Variants in EPB41L2 observed in about 807,000 individuals in gnomAD.
EPB41L2 encodes the protein band 4.1-like protein 2.
A neutral mutation model predicts 113.0 loss-of-function variants in EPB41L2; 43 were observed. The observed-to-expected ratio is 0.38, with a 90% CI of 0.30 to 0.49. The LOEUF (loss-of-function observed/expected upper bound fraction) is 0.49. Among genes scored for constraint, EPB41L2 ranks in the 20% least tolerant of loss-of-function variants. EPB41L2 has a pLI of 0.95. For synonymous variants in EPB41L2, 442 were observed against 436.7 expected, an observed-to-expected ratio of 1.01 and a Z score of -0.15; for missense variants, 1,147 against 1,223.4, an observed-to-expected ratio of 0.94 and a Z score of 0.93.
In EPB41L2 at chr6:130,939,257, C is replaced by CT. The variant is rs879441496; in HGVS notation, c.706-12549dup. Among the ~76,000 whole-genome samples, 295 of 145,726 alleles carry CT rather than the reference C, an allele frequency of 2.0e-3. 2 individuals carry two copies. Among genetic ancestry groups the CT allele is most frequent in the East Asian group, 7.2e-3 (36 of 5,026 alleles). ...ACCTATTTGCCAAAAACCCAAATAA[C>CT]TTTTTTTTTTTTTTGAGGCTGAGTC... is the stretch of plus-strand genomic sequence containing the variant. On this transcript the variant is annotated intron_variant, in intron 3 of 19. Transcript: ENST00000337057.
intron 3 of EPB41L2, among the ~76,000 whole-genome samples, chr6:130,930,885 A>C (rs367752074): frequency 9.9e-5 from 15 of 152,208 alleles, no homozygotes; most frequent in African/African-American, 3.6e-4. Context: ...GAATATGAAA[A>C]AGCAGGTTTT....
At chr6:130,856,539 A>G (rs1780265884) in intron 19 of EPB41L2, among the ~76,000 whole-genome samples, 2 of 152,248 alleles carry the variant, frequency 1.3e-5, no homozygotes, top group Non-Finnish European at 2.9e-5. Flanking sequence ...CATATTTACC[A>G]AACTAGCAAA....
intron 19 of EPB41L2, among the ~76,000 whole-genome samples, chr6:130,851,032 A>G (rs765653355): frequency 2.0e-5 from 3 of 152,240 alleles, no homozygotes; most frequent in Non-Finnish European, 4.4e-5. Flanking sequence ...TGATTAATCT[A>G]TATTGAAAAT....
chr6:130,911,076 GTA>G (rs1562465640), intron 4 of EPB41L2, among the ~76,000 whole-genome samples: 3 of 152,152 alleles, frequency 2.0e-5, no homozygotes. Flanking sequence ...ACATGCACAC[GTA>G]TGTTTATTGC....
intron 19 of EPB41L2, among the ~76,000 whole-genome samples, chr6:130,857,230 C>T (rs1780518213): frequency 6.6e-6 from 1 of 152,132 alleles, no homozygotes; most frequent in African/African-American, 2.4e-5. Flanking sequence ...TAGGTGAAAA[C>T]TTGTCCACTG....
chr6:131,009,805 CT>C (rs1786485814), intron 1 of EPB41L2, among the ~76,000 whole-genome samples: 2 of 152,184 alleles, frequency 1.3e-5, no homozygotes, highest in Admixed American at 6.5e-5. Context: ...GTTTTCTCCC[CT>C]TTTATGAAAA....
intron 3 of EPB41L2, among the ~76,000 whole-genome samples, chr6:130,940,847 G>A (rs1317727492): frequency 6.6e-6 from 1 of 151,982 alleles, no homozygotes; most frequent in Non-Finnish European, 1.5e-5. Flanking sequence ...ATAGTAACTT[G>A]GCACTTCTGT....
At chr6:130,933,936 T>C (rs1233907708) in intron 3 of EPB41L2, among the ~76,000 whole-genome samples, 1 of 152,174 alleles carries the variant, frequency 6.6e-6, no homozygotes, top group African/African-American at 2.4e-5. Context: ...ACTGCAGTTA[T>C]TGTGTGCTGA....
intron 5 of EPB41L2, 90 bp downstream of exon 5, chr6:130,908,731 A>C: frequency 4.9e-6 from 5 of 1,015,888 alleles, no homozygotes; most frequent in Non-Finnish European, 5.8e-6. Flanking sequence ...TAAATGCAAA[A>C]TAGAACTGAC....
chr6:130,842,916 G>A (rs368283937), intron 19 of EPB41L2, among the ~76,000 whole-genome samples: 1 of 151,906 alleles, frequency 6.6e-6, no homozygotes, highest in African/African-American at 2.4e-5. Context: ...ACCTTCATGT[G>A]CTCTTAGGAT....
intron 1 of EPB41L2, among the ~76,000 whole-genome samples, chr6:131,002,268 G>A (rs942992766): frequency 2.0e-5 from 3 of 152,068 alleles, no homozygotes; most frequent in African/African-American, 4.8e-5. Flanking sequence ...CACTCAGAAC[G>A]TTTTTCACCA....
intron 5 of EPB41L2, among the ~76,000 whole-genome samples, chr6:130,906,184 CTTGT>C (rs751818703): frequency 1.4e-4 from 21 of 152,130 alleles, no homozygotes; most frequent in Non-Finnish European, 2.8e-4. Flanking sequence ...TTAATGGCTC[CTTGT>C]TTGTTTTCTA....
chr6:131,017,862 T>G (rs570203723), intron 1 of EPB41L2, among the ~76,000 whole-genome samples: 1 of 152,366 alleles, frequency 6.6e-6, no homozygotes, highest in East Asian at 1.9e-4. Context: ...CCATTTTAAC[T>G]TACATTTGCC....
At chr6:130,937,821 G>GAAAAAAAAAA (rs66505919) in intron 3 of EPB41L2, among the ~76,000 whole-genome samples, 1,871 of 129,610 alleles carry the variant, frequency 0.014, 90 homozygotes, top group African/African-American at 0.058. Context: ...ATCTCAAAAA[G>GAAAAAAAAAA]AAAAAAAAAA....
chr6:130,885,009 T>C (rs567361434), intron 12 of EPB41L2, 87 bp downstream of exon 12: 3 of 1,453,694 alleles, frequency 2.1e-6, no homozygotes, highest in Non-Finnish European at 2.8e-6. Context: ...TAATTTTAAA[T>C]ACTTGATTTC....
intron 1 of EPB41L2, among the ~76,000 whole-genome samples, chr6:131,020,336 C>T (rs1789168803): frequency 6.6e-6 from 1 of 152,030 alleles, no homozygotes; most frequent in Non-Finnish European, 1.5e-5. Context: ...TAAGGCTGAG[C>T]TCCTTTACAT....
chr6:130,861,736 G>T (rs996408950), intron 18 of EPB41L2, among the ~76,000 whole-genome samples: 2 of 152,054 alleles, frequency 1.3e-5, no homozygotes, highest in African/African-American at 4.8e-5. Flanking sequence ...GCCGGGCGTG[G>T]TGGCGGGTGC....
chr6:130,870,180 C>T (rs1188406746), intron 14 of EPB41L2, 54 bp from the exon 15 acceptor site: 10 of 1,557,362 alleles, frequency 6.4e-6, no homozygotes, highest in South Asian at 1.2e-5. Context: ...TAAATAAAAA[C>T]AACGGAAACC....
Position 130,908,874 on chromosome 6 carries a change from GA to G in EPB41L2, c.811-12del, listed in dbSNP as rs752783311. ...AGGATCTAACCAGTTCTGCATGAGG[GA>G]AAAAAATTAATTCATAAGAAATATT... On this transcript the variant is annotated splice_polypyrimidine_tract_variant and intron_variant, in intron 4 of 19. Coordinates refer to ENST00000337057, the MANE Select transcript of EPB41L2 (RefSeq NM_001431.4). The G allele has an allele frequency of 4.0e-5, 63 of 1,589,324 alleles. No individual in the cohort carries two copies. Among genetic ancestry groups the G allele is most frequent in the Non-Finnish European group, 4.6e-5 (54 of 1,163,814 alleles).
Sources: gnomAD v4.1 joint callset for allele counts (sites outside exome capture counted in the v4.1 genomes callset) on GRCh38, gnomAD v4.1.1 for gene constraint, MANE v1.5 for transcripts, NCBI Gene and HGNC (gene_info 2026-07-23, HGNC 2026-07-21) for gene names.